The following PCDHGA5 variants were observed in gnomAD, a reference collection of about 807,000 sequenced individuals.
The protein encoded by PCDHGA5 is protocadherin gamma subfamily A, 5.
PCDHGA5 carries 36 observed loss-of-function variants against 56.7 expected under a neutral mutation model. The ratio of observed to expected loss-of-function variants is 0.64; its 90% CI spans 0.49 to 0.84. The LOEUF (loss-of-function observed/expected upper bound fraction) is 0.84. Among genes scored for constraint, PCDHGA5 ranks in the 40% least tolerant of loss-of-function variants. The pLI is 0.00. For missense variants in PCDHGA5, 1,305 were observed against 1,201.5 expected (o/e 1.09, Z -1.27); for synonymous variants, 563 against 520.2 (o/e 1.08, Z -1.12).
In PCDHGA5 at chr5:141,491,832, C is replaced by A; in HGVS notation, c.2422-2975C>A. On this transcript the variant is annotated intron_variant, in intron 1 of 3. Coordinates refer to ENST00000518069, the MANE Select transcript of PCDHGA5 (RefSeq NM_018918.3). The surrounding 1 kb of genome is among the most constrained non-coding windows in gnomAD (Gnocchi z 6.9). ...GTCGCTGGCTGCGCTCCACCCGATT[C>A]TCGGGATCATTGGACCGTTTGCGCG... 6.8e-7 allele frequency: 1 copy of A among 1,474,424 alleles called. No individual in the cohort carries two copies. 91.3% of individuals were successfully genotyped at this position (1,474,424 alleles called of 1,614,324 possible).
chr5:141,404,415 T>C, intron 1 of PCDHGA5: 1 of 1,613,844 alleles, frequency 6.2e-7, no homozygotes, highest in Non-Finnish European at 8.5e-7. Context: ...TCTAGAGTTA[T>C]TTACTCCTTG....
chr5:141,480,077 C>T (rs767048249), intron 1 of PCDHGA5, among the ~76,000 whole-genome samples: 2 of 152,142 alleles, frequency 1.3e-5, no homozygotes, highest in Non-Finnish European at 2.9e-5. Flanking sequence ...AAGATTCATG[C>T]ATGATATAAT....
intron 1 of PCDHGA5, among the ~76,000 whole-genome samples, chr5:141,478,961 C>T (rs887338339): frequency 6.6e-6 from 1 of 152,206 alleles, no homozygotes; most frequent in Non-Finnish European, 1.5e-5. Context: ...CCTCATTCCT[C>T]CACCTTTCAA....
Position 141,511,225 on chromosome 5 carries a change from C to T in PCDHGA5, c.*52C>T, listed in dbSNP as rs2099883678. On this transcript the variant is annotated 3_prime_UTR_variant, in exon 4 of 4. Transcript: ENST00000518069. Reference sequence around the variant, plus strand: ...GGCGGCCTCTCCCCAACCAGCCCAGCTTCTCCTTACCTGCACCCAGGCCTC... The same window carrying T: ...GGCGGCCTCTCCCCAACCAGCCCAGTTTCTCCTTACCTGCACCCAGGCCTC... 1.9e-6 allele frequency: 3 copies of T among 1,601,506 alleles called. No individual in the cohort carries two copies. Among genetic ancestry groups the T allele is most frequent in the Non-Finnish European group, 2.6e-6 (3 of 1,174,170 alleles).
intron 1 of PCDHGA5, among the ~76,000 whole-genome samples, chr5:141,449,199 A>T (rs927587807): frequency 3.3e-5 from 5 of 152,190 alleles, no homozygotes; most frequent in Admixed American, 2.6e-4. Flanking sequence ...AGAAGTGTTA[A>T]TTCTAACTTT....
chr5:141,444,902 G>A (rs1442325957), intron 1 of PCDHGA5, among the ~76,000 whole-genome samples: 1 of 152,160 alleles, frequency 6.6e-6, no homozygotes, highest in Non-Finnish European at 1.5e-5. Context: ...GGATGGCATT[G>A]CATCTATACC....
Position 141,394,191 on chromosome 5 carries a change from T to C in PCDHGA5, c.2421+27440T>C, listed in dbSNP as rs775886477. 3 of 1,613,764 alleles carry C rather than the reference T, an allele frequency of 1.9e-6. No homozygotes were observed. The Admixed American group carries it at 5.0e-5, about 27-fold the overall frequency. On this transcript the variant is annotated intron_variant, in intron 1 of 3. Coordinates refer to ENST00000518069, the MANE Select transcript of PCDHGA5 (RefSeq NM_018918.3). ...TTTCCCTCATGCCTCCTACTCAGCG[T>C]ATATCCTAGAGAACAACCTGAGAGG...
chr5:141,416,053 A>T (rs2095987443), intron 1 of PCDHGA5: 1 of 181,266 alleles, frequency 5.5e-6, no homozygotes, highest in South Asian at 1.8e-4. Flanking sequence ...CACAACCCAA[A>T]TCCAAGAATA....
Position 141,491,034 on chromosome 5 carries a change from T to C in PCDHGA5, c.2422-3773T>C, listed in dbSNP as rs375902824. On this transcript the variant is annotated intron_variant, in intron 1 of 3. Coordinates refer to ENST00000518069, the MANE Select transcript of PCDHGA5 (RefSeq NM_018918.3). The surrounding 1 kb of genome is among the most constrained non-coding windows in gnomAD (Gnocchi z 6.9). The stretch of plus-strand genomic sequence containing the variant: ...CCAAGGTGACAGCCGTGGATGCTGA[T>C]GCAGGCCACAATGCGTGGCTCTCCT... 19 of 1,614,170 alleles carry C rather than the reference T, an allele frequency of 1.2e-5. No homozygotes were observed. Among genetic ancestry groups the C allele is most frequent in the East Asian group, 4.5e-5 (2 of 44,894 alleles).
chr5:141,374,760 C>A, intron 1 of PCDHGA5: 1 of 1,613,440 alleles, frequency 6.2e-7, no homozygotes, highest in Non-Finnish European at 8.5e-7. Flanking sequence ...TCAAGCGTCG[C>A]CCAAATTCTG....
intron 1 of PCDHGA5, chr5:141,426,987 G>C (rs867397302): frequency 1.3e-5 from 6 of 456,602 alleles, no homozygotes; most frequent in African/African-American, 1.2e-4. Context: ...TGATGCCAAC[G>C]ATAATGCCCC....
At chr5:141,503,241 A>G (rs1399557839) in intron 2 of PCDHGA5, among the ~76,000 whole-genome samples, 1 of 152,074 alleles carries the variant, frequency 6.6e-6, no homozygotes, top group Non-Finnish European at 1.5e-5. Context: ...GACAGTTTCT[A>G]TCATACTCAC....
intron 1 of PCDHGA5, chr5:141,408,865 A>G (rs765751172): frequency 6.2e-7 from 1 of 1,613,684 alleles, no homozygotes. Context: ...GGGACCCACC[A>G]AGAAGTGCCA....
At chr5:141,504,381 T>C (rs1039838477) in intron 2 of PCDHGA5, among the ~76,000 whole-genome samples, 4 of 152,130 alleles carry the variant, frequency 2.6e-5, no homozygotes, top group Non-Finnish European at 5.9e-5. Context: ...GTGGAGTCGC[T>C]GCCTCACAGA....
At chr5:141,394,060 C>A (rs1437765710) in intron 1 of PCDHGA5, 9 of 1,613,662 alleles carry the variant, frequency 5.6e-6, no homozygotes, top group African/African-American at 4.0e-5. Context: ...GAAAATGTCT[C>A]TATCTACAAT....
intron 1 of PCDHGA5, among the ~76,000 whole-genome samples, chr5:141,470,854 A>G (rs553276517): frequency 6.6e-6 from 1 of 152,028 alleles, no homozygotes; most frequent in Admixed American, 6.6e-5. Context: ...TGCTCAGATA[A>G]GTTTTTTGTT....
chr5:141,511,288 C>G lies in PCDHGA5; in HGVS notation c.*115C>G. ...CTAACCCCCAGAATACTGGTAGGGG[C>G]CAAGGCCATGCTCCCCTTGGGAAAC... On this transcript the variant is annotated 3_prime_UTR_variant, in exon 4 of 4. Transcript: ENST00000518069. 6.6e-7 allele frequency: 1 copy of G among 1,518,266 alleles called. No homozygotes were observed. The highest frequency in any genetic ancestry group is 8.9e-7 in the Non-Finnish European group (1 of 1,129,706). The allele number at this position is 1,518,266 out of a possible 1,614,324, so 94.0% of individuals were successfully genotyped here.
rs753111294 is a variant in PCDHGA5 at position 141,365,864 on chromosome 5, G to C, written c.1534G>C (p.Gly512Arg). The change falls in exon 1 of 4, where the codon GGT (glycine) becomes CGT (arginine). Residue 512 changes from glycine (G) to arginine (R), a missense_variant. Transcript: ENST00000518069. ...CTATGTATCCATTAACTCTGACACC[G>C]GTGTCCTGTATGCTCTGAGATCCTT... ...SSYVSINSDTGVLYALRSFDY... is the reference protein window; with the variant it reads ...SSYVSINSDTRVLYALRSFDY... 32 of 1,613,886 alleles carry C rather than the reference G, an allele frequency of 2.0e-5. No individual in the cohort carries two copies. The highest frequency in any genetic ancestry group is 8.5e-7 in the Non-Finnish European group (1 of 1,179,918).
At chr5:141,453,321 T>TG (rs2098762672) in intron 1 of PCDHGA5, among the ~76,000 whole-genome samples, 2 of 151,876 alleles carry the variant, frequency 1.3e-5, no homozygotes, top group Admixed American at 6.6e-5. Context: ...ATTTTAGAGA[T>TG]GGGGTCTCAC....
Sources: allele counts gnomAD v4.1 joint callset (sites outside exome capture counted in the v4.1 genomes callset), GRCh38; gene constraint gnomAD v4.1.1; non-coding constraint Gnocchi (gnomAD v3.1); transcripts MANE v1.5; gene names NCBI Gene and HGNC (gene_info 2026-07-23, HGNC 2026-07-21).